Variants in SYNE1 observed in about 807,000 individuals in gnomAD.
SYNE1 encodes the protein nesprin-1.
In SYNE1, 616 loss-of-function variants were observed where a neutral mutation model predicts 1,111.0. That is an observed-to-expected ratio of 0.55 (90% confidence interval 0.52 to 0.59). The LOEUF (loss-of-function observed/expected upper bound fraction) is 0.59, where lower values mean the gene tolerates loss of function less well. SYNE1 is among the 20% of genes least tolerant of loss of function. SYNE1 has a pLI of 0.00. For synonymous variants in SYNE1, 3,855 were observed against 3,825.8 expected (o/e 1.01, Z -0.28); for missense variants, 10,006 against 10,417.0 (o/e 0.96, Z 1.72).
chr6:152,518,642 T>C (rs2099124326), intron 6 of SYNE1, among the ~76,000 whole-genome samples: 1 of 152,090 alleles, frequency 6.6e-6, no homozygotes, highest in African/African-American at 2.4e-5. Context: ...CATGTGAGAA[T>C]GGACTAACAC....
chr6:152,215,437 T>G (rs1057133117), intron 121 of SYNE1, among the ~76,000 whole-genome samples: 1 of 152,164 alleles, frequency 6.6e-6, no homozygotes, highest in African/African-American at 2.4e-5. Context: ...ATATTACATA[T>G]ACTATTTACT....
At chr6:152,204,861 T>C (rs1400117171) in intron 126 of SYNE1, among the ~76,000 whole-genome samples, 2 of 152,144 alleles carry the variant, frequency 1.3e-5, no homozygotes, top group East Asian at 3.8e-4. Flanking sequence ...CCTTATTAAG[T>C]CTTGGAAACA....
At chr6:152,209,245 G>A (rs888453410) in intron 124 of SYNE1, among the ~76,000 whole-genome samples, 3 of 152,112 alleles carry the variant, frequency 2.0e-5, no homozygotes, top group Non-Finnish European at 2.9e-5. Flanking sequence ...TTGTGAACTT[G>A]TATCTTCTTG....
intron 135 of SYNE1, 142 bp from the exon 136 acceptor site, chr6:152,149,810 A>G: frequency 1.4e-6 from 1 of 731,562 alleles, no homozygotes; most frequent in South Asian, 1.6e-5. Flanking sequence ...ACAAGACAAG[A>G]GTCTATTACC....
chr6:152,619,425 G>A (rs1042508775), intron 3 of SYNE1, among the ~76,000 whole-genome samples: 1 of 152,052 alleles, frequency 6.6e-6, no homozygotes, highest in Admixed American at 6.6e-5. Flanking sequence ...TTTGGGGAGG[G>A]TTCCATCCAG....
At chr6:152,577,826 AT>A (rs2099504701) in intron 3 of SYNE1, among the ~76,000 whole-genome samples, 1 of 151,926 alleles carries the variant, frequency 6.6e-6, no homozygotes, top group Admixed American at 6.6e-5. Flanking sequence ...CAATAAAATA[AT>A]TTACTTATTT....
At chr6:152,342,576 C>A (rs1311212395) in intron 74 of SYNE1, among the ~76,000 whole-genome samples, 1 of 152,178 alleles carries the variant, frequency 6.6e-6, no homozygotes, top group Admixed American at 6.5e-5. Context: ...TAGACACATT[C>A]TTTATGTGGA....
intron 100 of SYNE1, among the ~76,000 whole-genome samples, chr6:152,265,644 C>T (rs1212208203): frequency 1.3e-5 from 2 of 152,118 alleles, no homozygotes; most frequent in African/African-American, 2.4e-5. Context: ...TAATCATTGA[C>T]ACACGTACAA....
chr6:152,169,861 A>T (rs951497275), intron 130 of SYNE1, among the ~76,000 whole-genome samples: 2 of 151,900 alleles, frequency 1.3e-5, no homozygotes, highest in Non-Finnish European at 2.9e-5. Context: ...TCTAGAAAAC[A>T]TAGTACTTAA....
intron 54 of SYNE1, 21 bp downstream of exon 54, chr6:152,387,051 C>T (rs775490059): frequency 6.9e-6 from 11 of 1,599,376 alleles, no homozygotes; most frequent in South Asian, 1.1e-5. Flanking sequence ...AAAGCATCTA[C>T]TTTCAATATA....
rs573925362 is a variant in SYNE1, at chr6:152,122,376, T to C, written c.*60A>G. The C allele has an allele frequency of 1.9e-6, 3 of 1,612,874 alleles. No individual in the cohort carries two copies. In the African/African-American group the frequency reaches 4.0e-5, roughly 21 times the overall value. On this transcript the variant is annotated 3_prime_UTR_variant, in exon 146 of 146. Transcript: ENST00000367255. Reference sequence around the variant, plus strand: ...AGGTCCTCTTGTTGGTAGTTTGGGATTGCTTATGACCCGATCCTCCTTATG... The same window carrying C: ...AGGTCCTCTTGTTGGTAGTTTGGGACTGCTTATGACCCGATCCTCCTTATG...
intron 32 of SYNE1, among the ~76,000 whole-genome samples, chr6:152,440,289 A>G (rs2098516663): frequency 6.6e-6 from 1 of 152,176 alleles, no homozygotes; most frequent in African/African-American, 2.4e-5. Context: ...TCCAAAGCCC[A>G]GCTCTGATCG....
intron 3 of SYNE1, among the ~76,000 whole-genome samples, chr6:152,612,553 T>A (rs1222746960): frequency 1.3e-5 from 2 of 152,100 alleles, no homozygotes; most frequent in African/African-American, 2.4e-5. Flanking sequence ...GATTCGCAGC[T>A]GAATTCTACC....
chr6:152,353,392 C>T lies in SYNE1; in HGVS notation c.11124G>A (p.Glu3708=), dbSNP rs2096776097. ...AGGAACTGAGGGATGATTCTGATTC[C>T]TCCAAACTCTGAATCTCCTCCTCCA... The part of the protein sequence containing the change: ...KFLEEEIQSL[E]ESESSLSSYS... Residue 3708 remains glutamate (E), a synonymous_variant, in exon 69 of 146, where the codon GAG becomes GAA. Transcript: ENST00000367255. 6.2e-7 allele frequency: 1 copy of T among 1,614,220 alleles called. No individual in the cohort carries two copies. The highest frequency in any genetic ancestry group is 1.6e-4 in the Middle Eastern group (1 of 6,062).
chr6:152,493,589 C>T (rs2098983389), intron 11 of SYNE1, among the ~76,000 whole-genome samples: 1 of 152,150 alleles, frequency 6.6e-6, no homozygotes, highest in African/African-American at 2.4e-5. Context: ...TTTATAGCCC[C>T]TCCTACAGAT....
chr6:152,328,380 TTTTA>T (rs56379838), intron 78 of SYNE1, among the ~76,000 whole-genome samples: 49,147 of 136,922 alleles, frequency 0.36, 9,336 homozygotes, highest in Admixed American at 0.46. Context: ...TCTTATTTTA[TTTTA>T]TTTATTTATT....
chr6:152,274,053 A>C (rs376198354), intron 98 of SYNE1, among the ~76,000 whole-genome samples: 1 of 152,250 alleles, frequency 6.6e-6, no homozygotes, highest in East Asian at 1.9e-4. Context: ...AATTAAGTTC[A>C]TTCAGAGATC....
intron 76 of SYNE1, chr6:152,335,598 T>C (rs1483771071): frequency 1.3e-5 from 2 of 152,204 alleles, no homozygotes; most frequent in Non-Finnish European, 2.9e-5. Flanking sequence ...GACAATATAT[T>C]ATTATTGACT....
chr6:152,269,283 T>C lies in SYNE1; in HGVS notation c.18577A>G (p.Thr6193Ala). 6.2e-7 allele frequency: 1 copy of C among 1,614,134 alleles called. No individual in the cohort carries two copies. The highest frequency in any genetic ancestry group is 2.2e-5 in the East Asian group (1 of 44,882). The stretch of plus-strand genomic sequence containing the variant: ...TCGCTCTCCTCCTTCTCCTGTGCTG[T>C]TCCCTGCTTTTAACGAGGCAGAAAT... ...LHDKQLNMQG[T>A]AQEKEESDVD... Residue 6193 changes from threonine to alanine, a missense_variant, in exon 99 of 146, where the codon ACA becomes GCA. Thr to Ala is a moderately conservative substitution (Grantham distance 58). Around this residue, in one of 7 missense-constraint regions of SYNE1, gnomAD observed 2,182 missense variants for 2,287.8 expected, o/e 0.95. Transcript: ENST00000367255.
Sources: allele counts gnomAD v4.1 joint callset (sites outside exome capture counted in the v4.1 genomes callset), GRCh38; gene constraint gnomAD v4.1.1; regional missense constraint gnomAD v4.1.1; transcripts MANE v1.5; gene names NCBI Gene and HGNC (gene_info 2026-07-23, HGNC 2026-07-21).